PLEKHA7: variants seen among roughly 807,000 people sequenced by gnomAD.
The protein encoded by PLEKHA7 is pleckstrin homology domain-containing family A member 7.
In PLEKHA7, 104 loss-of-function variants were observed where a neutral mutation model predicts 170.0. The observed-to-expected ratio is 0.61, with a 90% CI of 0.52 to 0.72. The LOEUF is 0.72. PLEKHA7 is among the 30% of genes least tolerant of loss of function. The pLI, the probability that PLEKHA7 is intolerant of heterozygous loss-of-function variation, is 0.00. For synonymous variants in PLEKHA7, 648 were observed against 660.8 expected, an observed-to-expected ratio of 0.98 and a Z score of 0.30; for missense variants, 1,615 against 1,671.7, an observed-to-expected ratio of 0.97 and a Z score of 0.59.
chr11:16,815,586 G>A (rs1305758436), intron 12 of PLEKHA7, among the ~76,000 whole-genome samples: 2 of 152,136 alleles, frequency 1.3e-5, no homozygotes, highest in African/African-American at 2.4e-5. Flanking sequence ...GTGCAGCAGC[G>A]TGATCTCGGC....
At chr11:16,834,577 T>C (rs1037930414) in intron 9 of PLEKHA7, among the ~76,000 whole-genome samples, 8 of 152,266 alleles carry the variant, frequency 5.3e-5, no homozygotes, top group African/African-American at 9.6e-5. Context: ...GGTTAGGAAA[T>C]TGAGAAAAAA....
At chr11:16,839,461 T>C (rs1449994324) in intron 9 of PLEKHA7, among the ~76,000 whole-genome samples, 2 of 149,668 alleles carry the variant, frequency 1.3e-5, no homozygotes, top group Non-Finnish European at 3.0e-5. Flanking sequence ...ATATACTTAA[T>C]TATAAATATA....
chr11:16,950,698 C>T (rs79864206), intron 3 of PLEKHA7, among the ~76,000 whole-genome samples: 3,082 of 152,314 alleles, frequency 0.02, 47 homozygotes, highest in Non-Finnish European at 0.033. Context: ...CCCATTCCCT[C>T]AGCCTGAGCC....
Position 16,834,972 on chromosome 11 carries a change from A to G in PLEKHA7, c.872+6575T>C, listed in dbSNP as rs1357852442. Among the ~76,000 whole-genome samples, 3 of 152,216 alleles carry G rather than the reference A, an allele frequency of 2.0e-5. No homozygotes were observed. In the South Asian group the frequency reaches 6.2e-4, roughly 32 times the overall value. Reference sequence around the variant, plus strand: ...AAGCCTGTGTAACAAACAAGAGAACAAAAGTCAGAGGTACAGGCTAGGCGC... The same window carrying G: ...AAGCCTGTGTAACAAACAAGAGAACGAAAGTCAGAGGTACAGGCTAGGCGC... On this transcript the variant is annotated intron_variant, in intron 9 of 26. Coordinates refer to ENST00000531066, the MANE Select transcript of PLEKHA7 (RefSeq NM_001329630.2).
At chr11:16,790,014 C>A in intron 21 of PLEKHA7, 136 bp from the exon 22 acceptor site, 1 of 807,980 alleles carries the variant, frequency 1.2e-6, no homozygotes, top group Admixed American at 2.2e-5. Context: ...TCTTCCTCCC[C>A]AGGGCATGGA....
intron 4 of PLEKHA7, among the ~76,000 whole-genome samples, chr11:16,863,132 A>G (rs540116852): frequency 6.6e-6 from 1 of 152,072 alleles, no homozygotes; most frequent in African/African-American, 2.4e-5. Flanking sequence ...AGCAAGTGAT[A>G]CCCCGCCCCC....
At chr11:16,868,934 G>T (rs1308256779) in intron 4 of PLEKHA7, among the ~76,000 whole-genome samples, 1 of 152,166 alleles carries the variant, frequency 6.6e-6, no homozygotes, top group Non-Finnish European at 1.5e-5. Flanking sequence ...TGGTAGGTCT[G>T]CATTTTCCTG....
At chr11:16,909,687 G>T (rs1483230640) in intron 3 of PLEKHA7, among the ~76,000 whole-genome samples, 1 of 152,184 alleles carries the variant, frequency 6.6e-6, no homozygotes, top group African/African-American at 2.4e-5. Flanking sequence ...CACTGCACTA[G>T]CTGAGCTTGG....
intron 3 of PLEKHA7, among the ~76,000 whole-genome samples, chr11:16,991,913 G>A (rs1027648355): frequency 6.6e-5 from 10 of 152,208 alleles, no homozygotes; most frequent in African/African-American, 9.7e-5. Context: ...TGGTAGCAGC[G>A]GAGGGCATGA....
intron 3 of PLEKHA7, among the ~76,000 whole-genome samples, chr11:16,957,710 T>C (rs1267810967): frequency 2.1e-5 from 3 of 142,268 alleles, no homozygotes; most frequent in Non-Finnish European, 4.6e-5. Context: ...TTTTTTTTTT[T>C]TTTTTTTTTT....
At chr11:16,808,134 C>A (rs1352223212) in intron 13 of PLEKHA7, among the ~76,000 whole-genome samples, 3 of 152,114 alleles carry the variant, frequency 2.0e-5, no homozygotes, top group African/African-American at 7.2e-5. Flanking sequence ...TTTTGAGAGC[C>A]GCTACTTCAA....
rs539816390 is a variant in PLEKHA7, at chr11:16,973,047, T to G, written c.221+40942A>C. On this transcript the variant is annotated intron_variant, in intron 3 of 26. Transcript: ENST00000531066. ...TGAATCAAAGACCCTCTGTTTCCCTTTTTCTCCATTTCTGGCCCATCTGCC... is the reference window on the plus strand; with the variant it reads ...TGAATCAAAGACCCTCTGTTTCCCTGTTTCTCCATTTCTGGCCCATCTGCC... Among the ~76,000 whole-genome samples the G allele has an allele frequency of 1.2e-4, 18 of 152,328 alleles. No individual in the cohort carries two copies. The South Asian group carries it at 3.7e-3, about 32-fold the overall frequency.
intron 8 of PLEKHA7, among the ~76,000 whole-genome samples, chr11:16,849,130 A>G (rs1218252065): frequency 1.8e-4 from 27 of 152,112 alleles, no homozygotes. Context: ...TCTCCCAAAC[A>G]CACGATGCCT....
At chr11:16,911,593 G>C (rs1256580077) in intron 3 of PLEKHA7, among the ~76,000 whole-genome samples, 2 of 152,076 alleles carry the variant, frequency 1.3e-5, no homozygotes, top group African/African-American at 4.8e-5. Flanking sequence ...TGACTCCTCT[G>C]TAAAGAGGTC....
At chr11:16,924,554 G>A (rs4757445) in intron 3 of PLEKHA7, among the ~76,000 whole-genome samples, 19,912 of 152,216 alleles carry the variant, frequency 0.13, 1,391 homozygotes, top group Admixed American at 0.18. Context: ...GAGGGGTACA[G>A]ACGGGTTCTA....
rs1224770086 is a variant in PLEKHA7, at chr11:17,014,077, CTT to C, written c.164-33_164-32del. On this transcript the variant is annotated intron_variant, in intron 2 of 26. Coordinates refer to ENST00000531066, the MANE Select transcript of PLEKHA7 (RefSeq NM_001329630.2). ...GAAACGCCAGAAAAGTCGGGTCAAACTTGGGCCGCCGCTGCGCGCGCCCCCCA... is the reference window on the plus strand; with the variant it reads ...GAAACGCCAGAAAAGTCGGGTCAAACGGGCCGCCGCTGCGCGCGCCCCCCA... 1.9e-6 allele frequency: 3 copies of C among 1,580,486 alleles called. No individual in the cohort carries two copies. In the South Asian group the frequency reaches 3.4e-5, roughly 18 times the overall value.
chr11:16,859,358 C>G (rs1853744051), intron 4 of PLEKHA7, among the ~76,000 whole-genome samples: 1 of 152,166 alleles, frequency 6.6e-6, no homozygotes, highest in African/African-American at 2.4e-5. Context: ...TACAAGTTAT[C>G]TGGAATAACA....
intron 3 of PLEKHA7, among the ~76,000 whole-genome samples, chr11:16,963,706 C>T (rs990995605): frequency 6.6e-6 from 1 of 152,166 alleles, no homozygotes; most frequent in Non-Finnish European, 1.5e-5. Flanking sequence ...CCACAAGTGT[C>T]CCATTCGAGT....
rs113476231 is a variant in PLEKHA7, at chr11:16,912,396, T to C, written c.222-41214A>G. Among the ~76,000 whole-genome samples, 285 of 152,260 alleles carry C rather than the reference T, an allele frequency of 1.9e-3. 3 individuals carry two copies. The highest frequency in any genetic ancestry group is 6.5e-3 in the African/African-American group (268 of 41,534). On this transcript the variant is annotated intron_variant, in intron 3 of 26. Coordinates refer to ENST00000531066, the MANE Select transcript of PLEKHA7 (RefSeq NM_001329630.2). ...ACATTCAGCACCAAAGAGAATTTGG[T>C]ATAACTATAAAGGGAGACAGAAAAA... is the stretch of plus-strand genomic sequence containing the variant.
Sources: allele counts gnomAD v4.1 joint callset (sites outside exome capture counted in the v4.1 genomes callset), GRCh38; gene constraint gnomAD v4.1.1; transcripts MANE v1.5; gene names NCBI Gene and HGNC (gene_info 2026-07-23, HGNC 2026-07-21).